ENTREP2: variants seen among roughly 807,000 people sequenced by gnomAD.
ENTREP2 encodes the protein endosomal transmembrane epsin interactor 2, also known as protein ENTREP2.
the ENTREP2 span, among the ~76,000 whole-genome samples, chr15:29,185,871 A>T: frequency 6.6e-6 from 1 of 152,080 alleles, no homozygotes; most frequent in Admixed American, 6.6e-5. Flanking sequence ...TTATTCTAGA[A>T]CATCTCATAT....
the ENTREP2 span, among the ~76,000 whole-genome samples, chr15:29,428,610 A>G: frequency 6.6e-6 from 1 of 152,194 alleles, no homozygotes; most frequent in South Asian, 2.1e-4. Flanking sequence ...ATACATTATT[A>G]GGAAACAGAA....
chr15:29,504,125 G>A, the ENTREP2 span, among the ~76,000 whole-genome samples: 2 of 152,156 alleles, frequency 1.3e-5, no homozygotes, highest in Non-Finnish European at 2.9e-5. Context: ...GCAGTTTGAC[G>A]ATTATAGTGA....
the ENTREP2 span, among the ~76,000 whole-genome samples, chr15:29,391,341 C>A: frequency 2.0e-5 from 3 of 151,960 alleles, no homozygotes; most frequent in South Asian, 6.2e-4. Context: ...ACCAACACAT[C>A]ACACTCATAA....
chr15:29,215,247 G>C, the ENTREP2 span, among the ~76,000 whole-genome samples: 10 of 152,290 alleles, frequency 6.6e-5, no homozygotes, highest in Admixed American at 2.0e-4. Flanking sequence ...TTGATCCTGA[G>C]TGTGTCTGTG....
the ENTREP2 span, among the ~76,000 whole-genome samples, chr15:29,290,453 A>G: frequency 1.3e-5 from 2 of 152,100 alleles, no homozygotes; most frequent in African/African-American, 4.8e-5. Flanking sequence ...CGAGGTTTTG[A>G]ACGAGTTTTA....
chr15:29,646,815 G>T, the ENTREP2 span, among the ~76,000 whole-genome samples: 1 of 152,082 alleles, frequency 6.6e-6, no homozygotes, highest in Non-Finnish European at 1.5e-5. Context: ...AGACACAAAG[G>T]CCTATTTCTA....
the ENTREP2 span, among the ~76,000 whole-genome samples, chr15:29,254,353 G>A: frequency 4.6e-5 from 7 of 152,044 alleles, no homozygotes; most frequent in African/African-American, 1.7e-4. Flanking sequence ...CGATACAAAT[G>A]TAAAGGAATT....
At chr15:29,151,711 G>T in the ENTREP2 span, 1 of 1,524,776 alleles carries the variant, frequency 6.6e-7, no homozygotes, top group South Asian at 1.2e-5. Context: ...CCGCGCAGAG[G>T]AGGAGGGGAT....
the ENTREP2 span, among the ~76,000 whole-genome samples, chr15:29,532,539 A>C: frequency 6.6e-6 from 1 of 152,216 alleles, no homozygotes; most frequent in Non-Finnish European, 1.5e-5. Context: ...CTACCAAGAG[A>C]AGCTGCAACT....
chr15:29,487,635 G>A, the ENTREP2 span, among the ~76,000 whole-genome samples: 1 of 152,180 alleles, frequency 6.6e-6, no homozygotes, highest in African/African-American at 2.4e-5. Context: ...CAAACCCTGA[G>A]GTGGGGGAAG....
At chr15:29,191,968 C>A in the ENTREP2 span, among the ~76,000 whole-genome samples, 1 of 152,248 alleles carries the variant, frequency 6.6e-6, no homozygotes, top group South Asian at 2.1e-4. Flanking sequence ...GGGTGCAGGA[C>A]GCTCTGTTCA....
the ENTREP2 span, chr15:29,268,588 T>A: frequency 2.0e-6 from 1 of 489,034 alleles, no homozygotes; most frequent in South Asian, 6.0e-5. Context: ...TCAAAACAAA[T>A]GCTCCTTTGT....
chr15:29,164,405 A>G, the ENTREP2 span, among the ~76,000 whole-genome samples: 1,396 of 152,334 alleles, frequency 9.2e-3, 20 homozygotes, highest in African/African-American at 0.031. Context: ...CAGAATGGAT[A>G]AGAACTCGCC....
chr15:29,160,069 G>C, the ENTREP2 span, among the ~76,000 whole-genome samples: 1 of 152,226 alleles, frequency 6.6e-6, no homozygotes. Flanking sequence ...CTTGCCCAGA[G>C]GGAAGGCAGC....
chr15:29,443,054 T>C, the ENTREP2 span, among the ~76,000 whole-genome samples: 1 of 152,216 alleles, frequency 6.6e-6, no homozygotes, highest in Non-Finnish European at 1.5e-5. Flanking sequence ...CCGCATGTTT[T>C]CATGCTGAGA....
the ENTREP2 span, among the ~76,000 whole-genome samples, chr15:29,363,175 AG>A: frequency 6.6e-6 from 1 of 152,202 alleles, no homozygotes; most frequent in African/African-American, 2.4e-5. Context: ...TTAAAAAAAA[AG>A]GTCACGACCT....
At chr15:29,527,003 C>T in the ENTREP2 span, among the ~76,000 whole-genome samples, 1 of 152,192 alleles carries the variant, frequency 6.6e-6, no homozygotes, top group Non-Finnish European at 1.5e-5. Flanking sequence ...TTGTCACCAA[C>T]CCATTTGGCC....
At chr15:29,433,520 C>T in the ENTREP2 span, among the ~76,000 whole-genome samples, 2 of 152,180 alleles carry the variant, frequency 1.3e-5, no homozygotes, top group Non-Finnish European at 2.9e-5. Flanking sequence ...TATTCCCCAT[C>T]ACATAACACA....
At chr15:29,278,288 C>T in the ENTREP2 span, among the ~76,000 whole-genome samples, 2 of 152,202 alleles carry the variant, frequency 1.3e-5, no homozygotes, top group African/African-American at 2.4e-5. Context: ...AAGTTGCATG[C>T]GGAGAAGAGG....
Sources: allele counts gnomAD v4.1 joint callset (sites outside exome capture counted in the v4.1 genomes callset), GRCh38; gene constraint gnomAD v4.1.1; transcripts MANE v1.5; gene names NCBI Gene and HGNC (gene_info 2026-07-23, HGNC 2026-07-21).